PDE4B: variants seen among roughly 807,000 people sequenced by gnomAD.
The protein encoded by PDE4B is 3',5'-cyclic-AMP phosphodiesterase 4B.
In PDE4B, 20 loss-of-function variants were observed where a neutral mutation model predicts 82.2. That is an observed-to-expected ratio of 0.24 (90% CI 0.17 to 0.35). The LOEUF is 0.35. Ranked by LOEUF, PDE4B falls within the 10% of genes least tolerant of loss-of-function variation. The probability of loss-of-function intolerance (pLI) is 1.00; values close to 1 mark genes in which losing one functional copy is unlikely to be tolerated. For synonymous variants in PDE4B, 320 were observed against 318.9 expected, an observed-to-expected ratio of 1.00 and a Z score of -0.04; for missense variants, 655 against 907.2, an observed-to-expected ratio of 0.72 and a Z score of 3.57.
At chr1:66,163,272 C>A (rs1354860213) in intron 3 of PDE4B, among the ~76,000 whole-genome samples, 1 of 152,166 alleles carries the variant, frequency 6.6e-6, no homozygotes, top group Non-Finnish European at 1.5e-5. Context: ...CATCACATCC[C>A]ATACACTGAT....
chr1:66,151,485 T>A (rs888684922), intron 3 of PDE4B, among the ~76,000 whole-genome samples: 2 of 152,208 alleles, frequency 1.3e-5, no homozygotes, highest in East Asian at 3.9e-4. Context: ...AAAATCTCAA[T>A]CAACCATTAT....
intron 3 of PDE4B, among the ~76,000 whole-genome samples, chr1:66,185,972 T>C (rs1190802738): frequency 1.3e-5 from 2 of 152,236 alleles, no homozygotes; most frequent in Non-Finnish European, 2.9e-5. Context: ...GTTTTAGGTC[T>C]AACATTTAAG....
chr1:65,804,414 A>T (rs1187418839), intron 1 of PDE4B, among the ~76,000 whole-genome samples: 1 of 152,180 alleles, frequency 6.6e-6, no homozygotes, highest in Non-Finnish European at 1.5e-5. Context: ...GATTGTCAAC[A>T]TTATTTTATC....
Position 66,285,742 on chromosome 1 carries a change from A to G in PDE4B, c.634+19655A>G, listed in dbSNP as rs371768433. On this transcript the variant is annotated intron_variant, in intron 7 of 16. Transcript: ENST00000341517. Reference sequence around the variant, plus strand: ...CTTAGCTGATCCTGACTCAAGCAGCAGTTGCCCAGACGGATTAGAGGAGTG... The same window carrying G: ...CTTAGCTGATCCTGACTCAAGCAGCGGTTGCCCAGACGGATTAGAGGAGTG... Among the ~76,000 whole-genome samples the G allele has an allele frequency of 2.6e-4, 39 of 152,164 alleles. No homozygotes were observed. The East Asian group carries it at 2.7e-3, about 11-fold the overall frequency.
chr1:66,330,480 TATCATCTTGCA>T (rs1173522584), intron 7 of PDE4B, among the ~76,000 whole-genome samples: 1 of 152,234 alleles, frequency 6.6e-6, no homozygotes, highest in Non-Finnish European at 1.5e-5. Context: ...AAATGTGATG[TATCATCTTGCA>T]GTCATTTTGC....
chr1:66,117,365 A>C (rs1399826849), intron 3 of PDE4B, among the ~76,000 whole-genome samples: 7 of 152,182 alleles, frequency 4.6e-5, no homozygotes, highest in African/African-American at 1.7e-4. Context: ...AACTGTTTAT[A>C]AGTGAACACT....
intron 3 of PDE4B, among the ~76,000 whole-genome samples, chr1:65,980,517 T>C (rs1650631532): frequency 6.6e-6 from 1 of 152,188 alleles, no homozygotes; most frequent in Admixed American, 6.6e-5. Flanking sequence ...ATAAATCACT[T>C]GTTATAAAAG....
intron 1 of PDE4B, among the ~76,000 whole-genome samples, chr1:65,804,999 C>T (rs963331581): frequency 1.3e-5 from 2 of 151,628 alleles, no homozygotes; most frequent in Non-Finnish European, 2.9e-5. Context: ...GAATCTCACT[C>T]TGTCTTCCAG....
intron 6 of PDE4B, among the ~76,000 whole-genome samples, chr1:66,262,686 A>G (rs1654772745): frequency 6.6e-6 from 1 of 152,198 alleles, no homozygotes; most frequent in African/African-American, 2.4e-5. Flanking sequence ...TGCAGAAGTC[A>G]TTTATTCATT....
chr1:66,302,353 G>C (rs762342190), intron 7 of PDE4B, among the ~76,000 whole-genome samples: 1 of 152,112 alleles, frequency 6.6e-6, no homozygotes, highest in African/African-American at 2.4e-5. Flanking sequence ...CACCACATAC[G>C]CTGTCTTGTT....
chr1:65,991,282 T>C (rs1461934182), intron 3 of PDE4B, among the ~76,000 whole-genome samples: 4 of 152,094 alleles, frequency 2.6e-5, no homozygotes, highest in Non-Finnish European at 5.9e-5. Context: ...GGTTTCCCCA[T>C]GTTGGCCAGA....
At chr1:66,214,954 C>A (rs1650336778) in intron 3 of PDE4B, among the ~76,000 whole-genome samples, 1 of 152,022 alleles carries the variant, frequency 6.6e-6, no homozygotes, top group South Asian at 2.1e-4. Flanking sequence ...AGAAGTAGAA[C>A]AGGTACTGGA....
chr1:66,236,971 G>C (rs112293683), intron 3 of PDE4B, among the ~76,000 whole-genome samples: 2 of 152,278 alleles, frequency 1.3e-5, no homozygotes, highest in African/African-American at 4.8e-5. Context: ...TCCTCAGAAG[G>C]TGATTAGAGC....
chr1:65,883,470 T>C (rs1449577527), intron 1 of PDE4B, among the ~76,000 whole-genome samples: 2 of 152,122 alleles, frequency 1.3e-5, no homozygotes, highest in Non-Finnish European at 2.9e-5. Flanking sequence ...CTGTTATTGG[T>C]GTATAAGAAT....
intron 1 of PDE4B, among the ~76,000 whole-genome samples, chr1:65,874,699 G>A (rs1234581071): frequency 6.6e-6 from 1 of 151,546 alleles, no homozygotes; most frequent in African/African-American, 2.4e-5. Context: ...ATGGGGAAAG[G>A]ATTCCCTATT....
chr1:66,279,955 C>A (rs1412490208), intron 7 of PDE4B, among the ~76,000 whole-genome samples: 2 of 152,092 alleles, frequency 1.3e-5, no homozygotes, highest in Admixed American at 1.3e-4. Context: ...ACACCTAGAT[C>A]AATATTGATT....
At chr1:66,344,251 C>T (rs1661227028) in intron 8 of PDE4B, among the ~76,000 whole-genome samples, 1 of 152,146 alleles carries the variant, frequency 6.6e-6, no homozygotes. Flanking sequence ...GGAGAGCTAC[C>T]AGTGAATTTT....
chr1:66,127,631 C>T (rs1570299000), intron 3 of PDE4B, among the ~76,000 whole-genome samples: 1 of 152,204 alleles, frequency 6.6e-6, no homozygotes, highest in East Asian at 1.9e-4. Context: ...TAGTATATAA[C>T]ACAAAACAGA....
At chr1:65,894,103 T>C (rs985927802) in intron 1 of PDE4B, among the ~76,000 whole-genome samples, 1 of 151,508 alleles carries the variant, frequency 6.6e-6, no homozygotes, top group Non-Finnish European at 1.5e-5. Flanking sequence ...AAAGAACTTA[T>C]CCATGTAACC....
Sources: allele counts gnomAD v4.1 joint callset (sites outside exome capture counted in the v4.1 genomes callset), GRCh38; gene constraint gnomAD v4.1.1; transcripts MANE v1.5; gene names NCBI Gene and HGNC (gene_info 2026-07-23, HGNC 2026-07-21).